NLRC4: variants seen among roughly 807,000 people sequenced by gnomAD.
The protein encoded by NLRC4 is NLR family CARD domain containing 4.
NLRC4 carries 63 observed loss-of-function variants against 79.9 expected under a neutral mutation model. That is an observed-to-expected ratio of 0.79 (90% CI 0.64 to 0.97). The LOEUF is 0.97. Ranked by LOEUF, NLRC4 falls within the 50% of genes least tolerant of loss-of-function variation. The pLI is 0.00. For missense variants in NLRC4, 1,074 were observed against 1,215.2 expected (o/e 0.88, Z 1.73); for synonymous variants, 461 against 456.5 (o/e 1.01, Z -0.12).
chr2:32,259,808 G>A (rs767488937), intron 1 of NLRC4, among the ~76,000 whole-genome samples: 5 of 152,040 alleles, frequency 3.3e-5, no homozygotes, highest in Admixed American at 6.6e-5. Flanking sequence ...TCACATAAAC[G>A]GAATCATACA....
At chr2:32,229,465 G>A (rs1401762416) in intron 8 of NLRC4, among the ~76,000 whole-genome samples, 1 of 152,178 alleles carries the variant, frequency 6.6e-6, no homozygotes, top group African/African-American at 2.4e-5. Flanking sequence ...CTGCACTGCA[G>A]CCTGGAACAA....
chr2:32,241,270 A>G, intron 4 of NLRC4, 145 bp from the exon 5 acceptor site: 1 of 599,740 alleles, frequency 1.7e-6, no homozygotes, highest in Non-Finnish European at 2.9e-6. Flanking sequence ...ACATAAAAAT[A>G]TACTTTTTAT....
At position 32,251,278 on chromosome 2, in the gene NLRC4, T is replaced by C; in HGVS notation, c.586A>G (p.Lys196Glu). Residue 196 changes from lysine to glutamate, a missense_variant, in exon 4 of 9, where the codon AAG (lysine) becomes GAG (glutamate). Coordinates refer to ENST00000402280, the MANE Select transcript of NLRC4 (RefSeq NM_001199138.2). ...CGGAGGAAGAAGACGAATTTGAACT[T>C]GGTCAGAGCCTTGCACTTTCCGGAG... Reference protein sequence around the residue: ...WGSGKCKALTKFKFVFFLRLS... With the variant: ...WGSGKCKALTEFKFVFFLRLS... 6.2e-7 allele frequency: 1 copy of C among 1,614,126 alleles called. No homozygotes were observed. Among genetic ancestry groups the C allele is most frequent in the Non-Finnish European group, 8.5e-7 (1 of 1,180,020 alleles).
chr2:32,250,618 C>T lies in NLRC4; in HGVS notation c.1246G>A (p.Val416Met), dbSNP rs775321395. 1.1e-5 allele frequency: 17 copies of T among 1,614,032 alleles called. No homozygotes were observed. Among genetic ancestry groups the T allele is most frequent in the South Asian group, 8.8e-5 (8 of 91,080 alleles). ...GTTGTCAGCAGGACATCCTCATTCA[C>T]GCTGGACACATCCTGCAGTTCGAAA... ...FDFELQDVSS[V>M]NEDVLLTTGL... Residue 416 changes from valine to methionine, a missense_variant, in exon 4 of 9, where the codon GTG (valine) becomes ATG (methionine). Physicochemically the swap from Val to Met is conservative, Grantham distance 21. Transcript: ENST00000402280. The surrounding 1 kb of genome is among the most constrained non-coding windows in gnomAD (Gnocchi z 4.9).
intron 8 of NLRC4, among the ~76,000 whole-genome samples, chr2:32,231,579 G>GGGGGGGGGT (rs1686538354): frequency 8.8e-6 from 1 of 113,000 alleles, no homozygotes. Flanking sequence ...TTTTGTGGGG[G>GGGGGGGGGT]GGGGGTGGGG....
At chr2:32,257,648 C>T (rs1417109002) in intron 1 of NLRC4, among the ~76,000 whole-genome samples, 1 of 148,522 alleles carries the variant, frequency 6.7e-6, no homozygotes, top group East Asian at 2.0e-4. Flanking sequence ...TAAGATGAGG[C>T]CAGGTAGTTG....
Position 32,251,047 on chromosome 2 carries a change from T to A in NLRC4, c.817A>T (p.Asn273Tyr), listed in dbSNP as rs1375437918. The A allele has an allele frequency of 1.9e-6, 3 of 1,614,102 alleles. No individual in the cohort carries two copies. In the African/African-American group the frequency reaches 4.0e-5, roughly 22 times the overall value. ...ALIKENHRFK[N>Y]MVIVTTTTEC... ...GTGGTAGTGGTGACGATGACCATGTTCTTGAAGCGGTGGTTTTCCTTTATC... is the reference window on the plus strand; with the variant it reads ...GTGGTAGTGGTGACGATGACCATGTACTTGAAGCGGTGGTTTTCCTTTATC... The change falls in exon 4 of 9, where the codon AAC (asparagine) becomes TAC (tyrosine). Residue 273 changes from asparagine (N) to tyrosine (Y), a missense_variant. Asn to Tyr is a moderately radical substitution (Grantham distance 143). Coordinates refer to ENST00000402280, the MANE Select transcript of NLRC4 (RefSeq NM_001199138.2).
rs897127566 is a variant in NLRC4, at chr2:32,256,932, G to A, written c.-118-39C>T. On this transcript the variant is annotated intron_variant, in intron 1 of 8. Transcript: ENST00000402280. ...AAAACAGAACCAGAGACTATCAGGT[G>A]GAGGGGCTGATGCAATTATCTAGGT... The A allele has an allele frequency of 1.4e-5, 8 of 583,972 alleles. No homozygotes were observed. The African/African-American group carries it at 1.5e-4, about 11-fold the overall frequency. The allele number at this position is 583,972 out of a possible 1,614,324, so 36.2% of individuals were successfully genotyped here. A position where few individuals can be genotyped will look rare whatever the true frequency, so the allele number is the denominator to read the frequency against.
In NLRC4 at chr2:32,251,224, C is replaced by T. The variant is rs1461102635; in HGVS notation, c.640G>A (p.Glu214Lys). 3 of 1,614,040 alleles carry T rather than the reference C, an allele frequency of 1.9e-6. No individual in the cohort carries two copies. Among genetic ancestry groups the T allele is most frequent in the Middle Eastern group, 1.6e-4 (1 of 6,084 alleles). Residue 214 changes from glutamate (E) to lysine (K), a missense_variant, in exon 4 of 9, where the codon GAA (glutamate) becomes AAA (lysine). Glu to Lys is a moderately conservative substitution (Grantham distance 56, BLOSUM62 1). Coordinates refer to ENST00000402280, the MANE Select transcript of NLRC4 (RefSeq NM_001199138.2). ...TCCAGGAGTTGATCACAGAGGGTTT[C>T]AAAAAGTCCACCCTGGGCCCTGCTG... ...RLSRAQGGLF[E>K]TLCDQLLDIP... is the part of the protein sequence containing the mutation.
In NLRC4 at chr2:32,238,186, C is replaced by T. The variant is rs2148935058; in HGVS notation, c.2467G>A (p.Glu823Lys). The T allele has an allele frequency of 6.2e-7, 1 of 1,613,812 alleles. No homozygotes were observed. Among genetic ancestry groups the T allele is most frequent in the South Asian group, 1.1e-5 (1 of 90,996 alleles). Residue 823 changes from glutamate to lysine, a missense_variant, in exon 6 of 9, where the codon GAA becomes AAA. Transcript: ENST00000402280. ...KSLSSEPCDL[E>K]EIQLVSCCLS... ...CAGCAGGAGACTAATTGAATTTCTT[C>T]AAGGTCACAGGGTTCACTTGACAGA...
intron 4 of NLRC4, among the ~76,000 whole-genome samples, chr2:32,242,615 A>G (rs1271466539): frequency 6.6e-6 from 1 of 152,208 alleles, no homozygotes; most frequent in Admixed American, 6.5e-5. Context: ...CTGTCTTCAT[A>G]TCTACCACAC....
At chr2:32,229,449 G>A (rs1264027706) in intron 8 of NLRC4, among the ~76,000 whole-genome samples, 6 of 152,066 alleles carry the variant, frequency 3.9e-5, no homozygotes, top group African/African-American at 9.7e-5. Context: ...AGCCAAGATC[G>A]CACCACTGCA....
intron 1 of NLRC4, among the ~76,000 whole-genome samples, chr2:32,257,612 G>GAAA (rs144558409): frequency 6.5e-5 from 8 of 122,268 alleles, no homozygotes; most frequent in Non-Finnish European, 1.2e-4. Context: ...GCCTCAAAAA[G>GAAA]AAAAAAAAAA....
intron 4 of NLRC4, among the ~76,000 whole-genome samples, chr2:32,243,800 A>T (rs888559459): frequency 6.6e-6 from 1 of 151,878 alleles, no homozygotes; most frequent in Non-Finnish European, 1.5e-5. Context: ...CATCTCAAAA[A>T]AAAAAAAAAA....
intron 5 of NLRC4, among the ~76,000 whole-genome samples, chr2:32,238,651 A>T (rs1686725568): frequency 9.0e-6 from 1 of 110,796 alleles, no homozygotes; most frequent in South Asian, 2.6e-4. Flanking sequence ...ATCTTCTCAA[A>T]AATCTTAAAC....
chr2:32,253,349 C>T (rs1687128073), intron 2 of NLRC4, among the ~76,000 whole-genome samples: 1 of 151,820 alleles, frequency 6.6e-6, no homozygotes, highest in Non-Finnish European at 1.5e-5. Flanking sequence ...GGGGTTTCAC[C>T]ATTTTGGTCA....
intron 1 of NLRC4, among the ~76,000 whole-genome samples, chr2:32,259,262 ATT>A (rs57570626): frequency 0.052 from 2,756 of 52,660 alleles, 100 homozygotes; most frequent in Admixed American, 0.11. Flanking sequence ...TGCCTGGCTA[ATT>A]TTTTTTTTTT....
intron 7 of NLRC4, 131 bp from the exon 8 acceptor site, chr2:32,235,699 C>T (rs956262293): frequency 6.1e-5 from 45 of 743,012 alleles, no homozygotes; most frequent in Non-Finnish European, 8.4e-5. Flanking sequence ...TGAGAATCTA[C>T]TTAATTTTTG....
rs1453937196 is a variant in NLRC4, at chr2:32,251,001, C to T, written c.863G>A (p.Arg288Gln). 1.1e-5 allele frequency: 17 copies of T among 1,614,012 alleles called. No individual in the cohort carries two copies. Among genetic ancestry groups the T allele is most frequent in the African/African-American group, 2.7e-5 (2 of 74,908 alleles). The part of the protein sequence containing the change: ...TTTTECLRHI[R>Q]QFGALTAEVG... ...CTCAGCAGTCAGGGCACCAAACTGCCGTATGTGCCTCAGGCACTCAGTGGT... is the reference window on the plus strand; with the variant it reads ...CTCAGCAGTCAGGGCACCAAACTGCTGTATGTGCCTCAGGCACTCAGTGGT... The change falls in exon 4 of 9, where the codon CGG becomes CAG. Residue 288 changes from arginine to glutamine, a missense_variant. Transcript: ENST00000402280.
Sources: gnomAD v4.1 joint callset for allele counts (sites outside exome capture counted in the v4.1 genomes callset) on GRCh38, gnomAD v4.1.1 for gene constraint, Gnocchi (gnomAD v3.1) non-coding constraint, MANE v1.5 for transcripts, NCBI Gene and HGNC (gene_info 2026-07-23, HGNC 2026-07-21) for gene names.